The following SUMF1 variants were observed in gnomAD, a reference collection of about 807,000 sequenced individuals.
SUMF1 encodes the protein formylglycine-generating enzyme.
A neutral mutation model predicts 47.6 loss-of-function variants in SUMF1; 48 were observed. That is an observed-to-expected ratio of 1.01 (90% CI 0.80 to 1.28). The LOEUF is 1.28. SUMF1 is among the 50% of genes most tolerant of loss of function. The pLI is 0.00. For synonymous variants in SUMF1, 230 were observed against 192.1 expected (o/e 1.20, Z -1.63); for missense variants, 571 against 485.4 (o/e 1.18, Z -1.66).
chr3:4,221,116 G>A (rs371739693), intron 8 of SUMF1, among the ~76,000 whole-genome samples: 27 of 152,054 alleles, frequency 1.8e-4, no homozygotes, highest in African/African-American at 6.3e-4. Flanking sequence ...GAGAAGTGTC[G>A]CATGCCTTTT....
rs541544509 is a variant in SUMF1 at position 4,251,854 on chromosome 3, G to C, written c.1014+124476C>G. The stretch of plus-strand genomic sequence containing the variant: ...TCACTGAAGGCTCAGTTAATTATTA[G>C]AATTTTTTTTAGCAATGAAGTATTT... On this transcript the variant is annotated intron_variant and NMD_transcript_variant, in intron 8 of 12. Transcript: ENST00000448413. 2.0e-5 allele frequency among the ~76,000 whole-genome samples: 3 copies of C among 152,282 alleles called. No homozygotes were observed. In the South Asian group the frequency reaches 6.2e-4, roughly 32 times the overall value.
At chr3:4,091,150 T>A (rs1425519503) in intron 8 of SUMF1, among the ~76,000 whole-genome samples, 1 of 151,848 alleles carries the variant, frequency 6.6e-6, no homozygotes, top group East Asian at 1.9e-4. Flanking sequence ...AGTTTGGTGA[T>A]GTTTTGTGAC....
Position 4,438,625 on chromosome 3 carries a change from C to T in SUMF1, c.519+10641G>A, listed in dbSNP as rs189565720. Among the ~76,000 whole-genome samples, 37 of 152,224 alleles carry T rather than the reference C, an allele frequency of 2.4e-4. No individual in the cohort carries two copies. In the East Asian group the frequency reaches 3.3e-3, roughly 13 times the overall value. The stretch of plus-strand genomic sequence containing the variant: ...GAAGACATACTTCCAAACTTACATA[C>T]GCTTAGTAACATAGCTTTAATATAT... On this transcript the variant is annotated intron_variant, in intron 3 of 8. Transcript: ENST00000272902.
intron 8 of SUMF1, among the ~76,000 whole-genome samples, chr3:4,124,076 G>T (rs1693603047): frequency 6.6e-6 from 1 of 152,182 alleles, no homozygotes; most frequent in Admixed American, 6.5e-5. Flanking sequence ...ACAAGAGGTT[G>T]TGAATAAAGC....
chr3:4,358,607 T>A (rs1699674291), downstream of SUMF1, among the ~76,000 whole-genome samples: 1 of 152,154 alleles, frequency 6.6e-6, no homozygotes, highest in African/African-American at 2.4e-5. Flanking sequence ...TATGAAGACC[T>A]TCAGGAAAAA....
chr3:4,209,877 C>T (rs1039873140), intron 8 of SUMF1, among the ~76,000 whole-genome samples: 1 of 152,016 alleles, frequency 6.6e-6, no homozygotes, highest in Non-Finnish European at 1.5e-5. Context: ...AATAAATATT[C>T]ATGGATTTTA....
intron 8 of SUMF1, among the ~76,000 whole-genome samples, chr3:4,266,501 G>A (rs1697197831): frequency 6.6e-6 from 1 of 152,250 alleles, no homozygotes; most frequent in South Asian, 2.1e-4. Context: ...AATTGTGAAT[G>A]GGAGTTCACT....
intron 1 of SUMF1, among the ~76,000 whole-genome samples, chr3:4,455,213 T>C (rs2125140299): frequency 6.6e-6 from 1 of 152,314 alleles, no homozygotes; most frequent in South Asian, 2.1e-4. Flanking sequence ...GCTTAGGAAT[T>C]GTCAAGTTCC....
At chr3:4,454,090 A>C (rs534030942) in intron 1 of SUMF1, among the ~76,000 whole-genome samples, 2 of 152,336 alleles carry the variant, frequency 1.3e-5, no homozygotes, top group East Asian at 3.9e-4. Flanking sequence ...TTGGCCTCCA[A>C]CAATCATGAA....
intron 9 of SUMF1, among the ~76,000 whole-genome samples, chr3:4,039,208 A>ATTTTTTTTTT (rs1213784165): frequency 0.027 from 1,206 of 45,418 alleles, 92 homozygotes; most frequent in East Asian, 0.11. Flanking sequence ...CATCTATGCA[A>ATTTTTTTTTT]ATTTTTTTTT....
At chr3:4,315,896 A>G (rs960991402) in intron 8 of SUMF1, among the ~76,000 whole-genome samples, 1 of 151,752 alleles carries the variant, frequency 6.6e-6, no homozygotes, top group Admixed American at 6.6e-5. Flanking sequence ...AAAATACAAA[A>G]ATTAGTTAGA....
chr3:4,187,350 CAG>C (rs944103890), intron 8 of SUMF1, among the ~76,000 whole-genome samples: 1 of 152,114 alleles, frequency 6.6e-6, no homozygotes, highest in Non-Finnish European at 1.5e-5. Flanking sequence ...GCCTGGGAGA[CAG>C]AGTGAGACCC....
chr3:4,040,747 T>C (rs377164219), intron 9 of SUMF1, among the ~76,000 whole-genome samples: 2 of 152,150 alleles, frequency 1.3e-5, no homozygotes, highest in South Asian at 4.1e-4. Context: ...CAGTGTGCAA[T>C]GTTGATGCCG....
chr3:4,456,692 G>A (rs2079621129), intron 1 of SUMF1, among the ~76,000 whole-genome samples: 1 of 131,130 alleles, frequency 7.6e-6, no homozygotes, highest in South Asian at 2.3e-4. Flanking sequence ...ATATATGTGT[G>A]TATATATATA....
At chr3:4,109,875 C>G (rs896415889) in intron 8 of SUMF1, among the ~76,000 whole-genome samples, 5 of 152,190 alleles carry the variant, frequency 3.3e-5, no homozygotes, top group Middle Eastern at 3.4e-3. Context: ...TTCAAACTTC[C>G]TCCTTTAGCT....
intron 8 of SUMF1, among the ~76,000 whole-genome samples, chr3:4,153,234 A>G (rs1484967094): frequency 1.3e-5 from 2 of 151,552 alleles, no homozygotes; most frequent in Middle Eastern, 3.4e-3. Context: ...TTTTTTAGAG[A>G]CAGGATGTAA....
intron 3 of SUMF1, among the ~76,000 whole-genome samples, chr3:4,445,892 ATC>A (rs1439234509): frequency 6.6e-6 from 1 of 152,214 alleles, no homozygotes; most frequent in Admixed American, 6.5e-5. Flanking sequence ...GGTACACCAG[ATC>A]TCTCTGTATT....
At chr3:4,274,961 G>C (rs1697382285) in intron 8 of SUMF1, among the ~76,000 whole-genome samples, 1 of 152,114 alleles carries the variant, frequency 6.6e-6, no homozygotes, top group African/African-American at 2.4e-5. Context: ...ATGTCAAACA[G>C]GCCTGATGAA....
chr3:4,170,507 G>C (rs775718433), intron 8 of SUMF1, among the ~76,000 whole-genome samples: 1 of 152,144 alleles, frequency 6.6e-6, no homozygotes, highest in African/African-American at 2.4e-5. Flanking sequence ...ATAAGGAAGG[G>C]CAGTTAATTT....
Sources: gnomAD v4.1 joint callset for allele counts (sites outside exome capture counted in the v4.1 genomes callset) on GRCh38, gnomAD v4.1.1 for gene constraint, MANE v1.5 for transcripts, NCBI Gene and HGNC (gene_info 2026-07-23, HGNC 2026-07-21) for gene names.